EFNB3: variants seen among roughly 807,000 people sequenced by gnomAD.
EFNB3 encodes ephrin-B3.
Under a neutral mutation model 29.8 loss-of-function variants are expected in EFNB3, and 14 were observed. That is an observed-to-expected ratio of 0.47 (90% CI 0.31 to 0.73). The LOEUF (loss-of-function observed/expected upper bound fraction) is 0.73, where lower values mean the gene tolerates loss of function less well. Among genes scored for constraint, EFNB3 ranks in the 30% least tolerant of loss-of-function variants. The pLI is 0.05. For missense variants in EFNB3, 408 were observed against 458.0 expected (o/e 0.89, Z 1.00); for synonymous variants, 216 against 191.6 (o/e 1.13, Z -1.05).
chr17:7,709,576 A>G lies in EFNB3; in HGVS notation c.1023A>G (p.Ter341TrpextTer20), dbSNP rs1219921633. The change falls in exon 5 of 5, where the codon TGA (stop) becomes TGG (tryptophan). Residue 341 changes from the stop codon to tryptophan, a stop_lost. Coordinates refer to ENST00000226091, the MANE Select transcript of EFNB3 (RefSeq NM_001406.4). This position sits in a 1 kb window ranked among gnomAD's most constrained non-coding sequence, Gnocchi z 4.5. ...QSPPNIYYKV* is the reference protein window; with the variant it reads ...QSPPNIYYKVW ...CTCCAAACATCTACTACAAGGTATG[A>G]GGGCTCCTCTCACGTGGCTATCCTG... 2 of 1,613,788 alleles carry G rather than the reference A, an allele frequency of 1.2e-6. No individual in the cohort carries two copies. Among genetic ancestry groups the G allele is most frequent in the East Asian group, 4.5e-5 (2 of 44,858 alleles).
rs1202469038 is a variant in EFNB3, at chr17:7,708,311, G to C, written c.415+61G>C. On this transcript the variant is annotated intron_variant, in intron 2 of 4. Transcript: ENST00000226091. The surrounding 1 kb of genome is among the most constrained non-coding windows in gnomAD (Gnocchi z 6.8). Reference sequence around the variant, plus strand: ...CTCCTGATACTGAGCAGAGAGGGAGGGGGACCCCTGCAGCCAAGAGGGAGA... The same window carrying C: ...CTCCTGATACTGAGCAGAGAGGGAGCGGGACCCCTGCAGCCAAGAGGGAGA... The C allele has an allele frequency of 6.3e-7, 1 of 1,587,138 alleles. No individual in the cohort carries two copies. Among genetic ancestry groups the C allele is most frequent in the Non-Finnish European group, 8.6e-7 (1 of 1,166,040 alleles).
Position 7,709,118 on chromosome 17 carries a change from G to A in EFNB3, c.614-49G>A. Reference sequence around the variant, plus strand: ...GGTTGGGTGTCCAGGTGCCCAGGTGGCTCCTTCAGTCCCTCCCCCTCTTTC... The same window carrying A: ...GGTTGGGTGTCCAGGTGCCCAGGTGACTCCTTCAGTCCCTCCCCCTCTTTC... On this transcript the variant is annotated intron_variant, in intron 4 of 4. Transcript: ENST00000226091. This position sits in a 1 kb window ranked among gnomAD's most constrained non-coding sequence, Gnocchi z 4.5. 1 of 1,565,194 alleles carries A rather than the reference G, an allele frequency of 6.4e-7. No individual in the cohort carries two copies. Among genetic ancestry groups the A allele is most frequent in the Non-Finnish European group, 8.6e-7 (1 of 1,159,064 alleles).
chr17:7,708,949 G>A lies in EFNB3; in HGVS notation c.613+210G>A, dbSNP rs991982171. On this transcript the variant is annotated intron_variant, in intron 4 of 4. Coordinates refer to ENST00000226091, the MANE Select transcript of EFNB3 (RefSeq NM_001406.4). This position sits in a 1 kb window ranked among gnomAD's most constrained non-coding sequence, Gnocchi z 6.8. Reference sequence around the variant, plus strand: ...ATTAGCCAAGTCAGTGCTTCAATCAGTGCTGTCAGAGAAGTGGGGAGGACT... The same window carrying A: ...ATTAGCCAAGTCAGTGCTTCAATCAATGCTGTCAGAGAAGTGGGGAGGACT... Among the ~76,000 whole-genome samples, 3 of 152,226 alleles carry A rather than the reference G, an allele frequency of 2.0e-5. No individual in the cohort carries two copies. The highest frequency in any genetic ancestry group is 7.2e-5 in the African/African-American group (3 of 41,450).
At position 7,709,701 on chromosome 17, in the gene EFNB3, C is replaced by G. The variant is rs1298287617; in HGVS notation, c.*125C>G. The G allele has an allele frequency of 5.2e-6, 5 of 953,716 alleles. No homozygotes were observed. Among genetic ancestry groups the G allele is most frequent in the Admixed American group, 2.1e-5 (1 of 46,518 alleles). 59.1% of individuals were successfully genotyped at this position (953,716 alleles called of 1,614,324 possible). A position where few individuals can be genotyped will look rare whatever the true frequency, so the allele number is the denominator to read the frequency against. On this transcript the variant is annotated 3_prime_UTR_variant, in exon 5 of 5. Transcript: ENST00000226091. The surrounding 1 kb of genome is among the most constrained non-coding windows in gnomAD (Gnocchi z 4.5). The stretch of plus-strand genomic sequence containing the variant: ...GTGCCCCCCCAGCCCCTTCACTCCT[C>G]CCGGCTGCTGTCCTCGTCTCCACTT...
In EFNB3 at chr17:7,709,601, G is replaced by T. The variant is rs754767367; in HGVS notation, c.*25G>T. The T allele has an allele frequency of 2.2e-5, 36 of 1,613,314 alleles. No individual in the cohort carries two copies. The South Asian group carries it at 3.6e-4, about 16-fold the overall frequency. On this transcript the variant is annotated 3_prime_UTR_variant, in exon 5 of 5. Transcript: ENST00000226091. The surrounding 1 kb of genome is among the most constrained non-coding windows in gnomAD (Gnocchi z 4.5). ...AGGGCTCCTCTCACGTGGCTATCCT[G>T]AATCCAGCCCTTCTTGGGGTGCTCC...
At chr17:7,707,052 C>T (rs534153452) in intron 1 of EFNB3, among the ~76,000 whole-genome samples, 6 of 152,168 alleles carry the variant, frequency 3.9e-5, no homozygotes, top group Admixed American at 2.6e-4. Flanking sequence ...GGGGCTCTTT[C>T]GGATGTGGGG....
In EFNB3 at chr17:7,708,365, C is replaced by A; in HGVS notation, c.416-70C>A. 6.3e-7 allele frequency: 1 copy of A among 1,587,722 alleles called. No individual in the cohort carries two copies. On this transcript the variant is annotated intron_variant, in intron 2 of 4. Transcript: ENST00000226091. This position sits in a 1 kb window ranked among gnomAD's most constrained non-coding sequence, Gnocchi z 6.8. ...CAGTGCCCTCAGGCAGTGTTCACAC[C>A]AGGGTGTGGGGCCAGAATCAGGGCT...
intron 1 of EFNB3, 49 bp from the exon 2 acceptor site, chr17:7,707,909 C>T (rs779804454): frequency 7.1e-6 from 11 of 1,545,092 alleles, no homozygotes; most frequent in African/African-American, 1.4e-5. Flanking sequence ...GTTCTGGGGG[C>T]CAGGCCTCTG....
rs781508762 is a variant in EFNB3, at chr17:7,705,560, G to C, written c.-39G>C. On this transcript the variant is annotated 5_prime_UTR_variant, in exon 1 of 5. Transcript: ENST00000226091. This position sits in a 1 kb window ranked among gnomAD's most constrained non-coding sequence, Gnocchi z 5.4. ...CCACCCCGGGGGGTGGGCGACTTTG[G>C]GGGAGTTGGTGCCCCGCCCCCCAGG... 3.2e-6 allele frequency: 4 copies of C among 1,265,790 alleles called. No homozygotes were observed. The highest frequency in any genetic ancestry group is 6.8e-5 in the Admixed American group (2 of 29,286). 78.4% of individuals were successfully genotyped at this position (1,265,790 alleles called of 1,614,324 possible). A position where few individuals can be genotyped will look rare whatever the true frequency, so the allele number is the denominator to read the frequency against.
rs780667255 is a variant in EFNB3, at chr17:7,708,724, A to G, written c.598A>G (p.Lys200Glu). The G allele has an allele frequency of 7.0e-6, 11 of 1,565,812 alleles. No individual in the cohort carries two copies. In the South Asian group the frequency reaches 1.1e-4, roughly 15 times the overall value. The change falls in exon 4 of 5, where the codon AAG becomes GAG. Residue 200 changes from lysine (K) to glutamate (E), a missense_variant. Transcript: ENST00000226091. The surrounding 1 kb of genome is among the most constrained non-coding windows in gnomAD (Gnocchi z 6.8). ...GGCAGCCCACAGCCTGGAGCCTGGG[A>G]AGGAGAACCTGCCAGGTAGGAACCA... The part of the protein sequence containing the change: ...RGAAHSLEPG[K>E]ENLPGDPTSN...
At position 7,707,969 on chromosome 17, in the gene EFNB3, A is replaced by G; in HGVS notation, c.134A>G (p.Glu45Gly). The change falls in exon 2 of 5, where the codon GAG becomes GGG. Residue 45 changes from glutamate to glycine, a missense_variant. Glu to Gly is a moderately conservative substitution (Grantham distance 98). Transcript: ENST00000226091. Reference protein sequence around the residue: ...WNSANKRFQAEGGYVLYPQIG... With the variant: ...WNSANKRFQAGGGYVLYPQIG... ...CCTCCTCCCCATAGGTTCCAGGCAG[A>G]GGGTGGTTATGTGCTGTACCCTCAG... 6.2e-7 allele frequency: 1 copy of G among 1,611,456 alleles called. No individual in the cohort carries two copies. The highest frequency in any genetic ancestry group is 8.5e-7 in the Non-Finnish European group (1 of 1,178,364).
At chr17:7,706,993 A>G (rs2074329621) in intron 1 of EFNB3, among the ~76,000 whole-genome samples, 1 of 152,194 alleles carries the variant, frequency 6.6e-6, no homozygotes, top group South Asian at 2.1e-4. Flanking sequence ...TAGCTTGAGA[A>G]CATAAGCTTG....
In EFNB3 at chr17:7,711,128, G is replaced by C. The variant is rs570006889; in HGVS notation, c.*1552G>C. The stretch of plus-strand genomic sequence containing the variant: ...TTTATTAGATCAAAGCTGTTGTTGG[G>C]CACCAGGTTGGCCACCTCAATCACC... On this transcript the variant is annotated 3_prime_UTR_variant, in exon 5 of 5. Transcript: ENST00000226091. 1 of 152,686 alleles carries C rather than the reference G, an allele frequency of 6.5e-6. No homozygotes were observed. The highest frequency in any genetic ancestry group is 1.9e-4 in the East Asian group (1 of 5,176). The allele number at this position is 152,686 out of a possible 1,614,324, so 9.5% of individuals were successfully genotyped here.
At position 7,709,137 on chromosome 17, in the gene EFNB3, C is replaced by A; in HGVS notation, c.614-30C>A. On this transcript the variant is annotated intron_variant, in intron 4 of 4. Coordinates refer to ENST00000226091, the MANE Select transcript of EFNB3 (RefSeq NM_001406.4). The surrounding 1 kb of genome is among the most constrained non-coding windows in gnomAD (Gnocchi z 4.5). The stretch of plus-strand genomic sequence containing the variant: ...CAGGTGGCTCCTTCAGTCCCTCCCC[C>A]TCTTTCCTCCTTCACCCCTTCCCTG... 8.2e-6 allele frequency: 13 copies of A among 1,589,336 alleles called. No individual in the cohort carries two copies. Among genetic ancestry groups the A allele is most frequent in the Non-Finnish European group, 1.1e-5 (13 of 1,175,604 alleles).
In EFNB3 at chr17:7,710,045, A is replaced by C; in HGVS notation, c.*469A>C. 3.4e-5 allele frequency: 7 copies of C among 204,414 alleles called. No homozygotes were observed. Among genetic ancestry groups the C allele is most frequent in the South Asian group, 1.4e-4 (2 of 14,194 alleles). 12.7% of individuals were successfully genotyped at this position (204,414 alleles called of 1,614,324 possible). ...CATCCTCCTCCCCACATCTCCTTTC[A>C]CCCTCTTGGCTTCTTATCCTGTGCC... On this transcript the variant is annotated 3_prime_UTR_variant, in exon 5 of 5. Coordinates refer to ENST00000226091, the MANE Select transcript of EFNB3 (RefSeq NM_001406.4).
At chr17:7,707,194 T>C (rs918244376) in intron 1 of EFNB3, among the ~76,000 whole-genome samples, 2 of 152,172 alleles carry the variant, frequency 1.3e-5, no homozygotes, top group African/African-American at 4.8e-5. Flanking sequence ...GTGGCTGTGC[T>C]GGGACAGTGG....
chr17:7,708,574 G>T lies in EFNB3; in HGVS notation c.508+47G>T. 1.2e-6 allele frequency: 2 copies of T among 1,600,374 alleles called. No homozygotes were observed. The highest frequency in any genetic ancestry group is 1.7e-6 in the Non-Finnish European group (2 of 1,173,062). The stretch of plus-strand genomic sequence containing the variant: ...CTCCTGGGCACGAAGGGACGTTGGG[G>T]CAGTACGATCATGGTTGGGGCAGTT... On this transcript the variant is annotated intron_variant, in intron 3 of 4. Coordinates refer to ENST00000226091, the MANE Select transcript of EFNB3 (RefSeq NM_001406.4). The surrounding 1 kb of genome is among the most constrained non-coding windows in gnomAD (Gnocchi z 6.8).
chr17:7,709,812 T>A lies in EFNB3; in HGVS notation c.*236T>A. 1 of 588,496 alleles carries A rather than the reference T, an allele frequency of 1.7e-6. No homozygotes were observed. The highest frequency in any genetic ancestry group is 3.0e-6 in the Non-Finnish European group (1 of 334,106). The allele number at this position is 588,496 out of a possible 1,614,324, so 36.5% of individuals were successfully genotyped here. ...CCCCCTCTGTCTCAGTGTCCCTGGA[T>A]CCTTTTTCCTTGGGGAGGGGCACAG... On this transcript the variant is annotated 3_prime_UTR_variant, in exon 5 of 5. Transcript: ENST00000226091. This position sits in a 1 kb window ranked among gnomAD's most constrained non-coding sequence, Gnocchi z 4.5.
Position 7,709,445 on chromosome 17 carries a change from C to T in EFNB3, c.892C>T (p.Arg298Trp), listed in dbSNP as rs778658169. Residue 298 changes from arginine (R) to tryptophan (W), a missense_variant, in exon 5 of 5, where the codon CGG becomes TGG. Transcript: ENST00000226091. This position sits in a 1 kb window ranked among gnomAD's most constrained non-coding sequence, Gnocchi z 4.5. Reference protein sequence around the residue: ...AEPGELGIALRGGGAADPPFC... With the variant: ...AEPGELGIALWGGGAADPPFC... Reference sequence around the variant, plus strand: ...GCCTGGGGAGCTAGGGATAGCTCTGCGGGGTGGCGGGGCTGCAGATCCCCC... The same window carrying T: ...GCCTGGGGAGCTAGGGATAGCTCTGTGGGGTGGCGGGGCTGCAGATCCCCC... 1.4e-5 allele frequency: 23 copies of T among 1,613,142 alleles called. No individual in the cohort carries two copies. The highest frequency in any genetic ancestry group is 8.0e-5 in the African/African-American group (6 of 74,842).
Sources: allele counts gnomAD v4.1 joint callset (sites outside exome capture counted in the v4.1 genomes callset), GRCh38; gene constraint gnomAD v4.1.1; non-coding constraint Gnocchi (gnomAD v3.1); transcripts MANE v1.5; gene names NCBI Gene and HGNC (gene_info 2026-07-23, HGNC 2026-07-21).